Variants in PCDHA8 observed in about 807,000 individuals in gnomAD.
The protein encoded by PCDHA8 is protocadherin alpha-8.
Under a neutral mutation model 61.8 loss-of-function variants are expected in PCDHA8, and 53 were observed. That is an observed-to-expected ratio of 0.86 (90% CI 0.69 to 1.08). The LOEUF (loss-of-function observed/expected upper bound fraction) is 1.08, where lower values mean the gene tolerates loss of function less well. Among genes scored for constraint, PCDHA8 ranks in the 50% least tolerant of loss-of-function variants. The probability of loss-of-function intolerance (pLI) is 0.00; values close to 1 mark genes in which losing one functional copy is unlikely to be tolerated. For synonymous variants in PCDHA8, 618 were observed against 556.6 expected, an observed-to-expected ratio of 1.11 and a Z score of -1.55; for missense variants, 1,293 against 1,245.0, an observed-to-expected ratio of 1.04 and a Z score of -0.58.
intron 3 of PCDHA8, among the ~76,000 whole-genome samples, chr5:140,994,140 A>G (rs768317904): frequency 7.2e-5 from 11 of 152,230 alleles, no homozygotes; most frequent in Non-Finnish European, 1.5e-4. Context: ...ATAATGCCCT[A>G]CGTAGGTAGG....
At position 140,876,152 on chromosome 5, in the gene PCDHA8, A is replaced by G; in HGVS notation, c.2394+32437A>G. ...AAACCAGAACTAACAGGGTCTGTCC[A>G]GATTCAAATAACCGTCCTGGATGTG... is the stretch of plus-strand genomic sequence containing the variant. On this transcript the variant is annotated intron_variant, in intron 1 of 3. Transcript: ENST00000531613. 1 of 1,613,982 alleles carries G rather than the reference A, an allele frequency of 6.2e-7. No individual in the cohort carries two copies. The highest frequency in any genetic ancestry group is 1.3e-5 in the African/African-American group (1 of 75,068).
chr5:140,899,654 G>C (rs1429177993), intron 1 of PCDHA8, among the ~76,000 whole-genome samples: 1 of 152,158 alleles, frequency 6.6e-6, no homozygotes, highest in African/African-American at 2.4e-5. Context: ...ATTTGGTTGT[G>C]TCTCTGCCCG....
chr5:140,907,066 G>A (rs748785005), intron 1 of PCDHA8, among the ~76,000 whole-genome samples: 6 of 152,096 alleles, frequency 3.9e-5, no homozygotes, highest in Non-Finnish European at 8.8e-5. Context: ...TTTACTAGTG[G>A]GTCACTAGGG....
intron 1 of PCDHA8, among the ~76,000 whole-genome samples, chr5:140,972,728 A>T (rs189687890): frequency 6.8e-6 from 1 of 147,854 alleles, no homozygotes; most frequent in East Asian, 2.0e-4. Context: ...CAGTGGCGTA[A>T]TCCCGGCTCA....
intron 1 of PCDHA8, among the ~76,000 whole-genome samples, chr5:140,886,842 A>AAG (rs2061180057): frequency 6.6e-6 from 1 of 151,638 alleles, no homozygotes; most frequent in African/African-American, 2.4e-5. Context: ...AAAAAAAAAA[A>AAG]AAAAAGAAAG....
At chr5:140,941,375 G>A (rs1441847516) in intron 1 of PCDHA8, among the ~76,000 whole-genome samples, 1 of 134,938 alleles carries the variant, frequency 7.4e-6, no homozygotes, top group Non-Finnish European at 1.5e-5. Context: ...GGAGTGTAGT[G>A]ACAGGATTTT....
intron 1 of PCDHA8, chr5:140,927,757 A>G (rs957906084): frequency 3.2e-5 from 51 of 1,614,028 alleles, no homozygotes; most frequent in Admixed American, 1.0e-4. Flanking sequence ...CGTGCACCCT[A>G]AAAGTGGGGA....
chr5:140,950,536 T>A (rs182006309), intron 1 of PCDHA8, among the ~76,000 whole-genome samples: 1 of 152,222 alleles, frequency 6.6e-6, no homozygotes, highest in East Asian at 1.9e-4. Flanking sequence ...TTTTTGTTGC[T>A]CTTGCATGGC....
chr5:140,873,785 C>T (rs1035020245), intron 1 of PCDHA8, among the ~76,000 whole-genome samples: 2 of 152,146 alleles, frequency 1.3e-5, no homozygotes, highest in Non-Finnish European at 2.9e-5. Flanking sequence ...CTCAGCTTTC[C>T]GAGAAGCTGG....
intron 1 of PCDHA8, chr5:140,870,169 C>T: frequency 6.2e-7 from 1 of 1,614,140 alleles, no homozygotes; most frequent in Non-Finnish European, 8.5e-7. Flanking sequence ...TTCCTTGTCC[C>T]TCCCAGTACG....
intron 3 of PCDHA8, among the ~76,000 whole-genome samples, chr5:141,007,208 A>G (rs1056049066): frequency 5.3e-5 from 8 of 152,060 alleles, no homozygotes; most frequent in African/African-American, 1.9e-4. Context: ...GGGCCAGAAT[A>G]TGCTGTCCCA....
At chr5:140,849,659 C>T in intron 1 of PCDHA8, 4 of 1,598,722 alleles carry the variant, frequency 2.5e-6, no homozygotes, top group Non-Finnish European at 3.4e-6. Flanking sequence ...TTACCTGCTC[C>T]CTGACGCCCC....
At chr5:140,844,880 C>A (rs1779593021) in intron 1 of PCDHA8, among the ~76,000 whole-genome samples, 2 of 149,342 alleles carry the variant, frequency 1.3e-5, no homozygotes, top group South Asian at 4.2e-4. Context: ...ACCCATTAGA[C>A]TTCGTGCATA....
At chr5:140,917,037 GCA>G (rs2077840325) in intron 1 of PCDHA8, among the ~76,000 whole-genome samples, 1 of 152,268 alleles carries the variant, frequency 6.6e-6, no homozygotes, top group African/African-American at 2.4e-5. Context: ...GCTGAGTCCA[GCA>G]CAGTGTTGTT....
intron 1 of PCDHA8, among the ~76,000 whole-genome samples, chr5:140,896,384 C>T (rs778057567): frequency 2.0e-5 from 3 of 152,172 alleles, no homozygotes; most frequent in Non-Finnish European, 4.4e-5. Flanking sequence ...TCTGCAACCT[C>T]ACCAGCATCT....
At chr5:141,003,962 C>G (rs2098144287) in intron 3 of PCDHA8, among the ~76,000 whole-genome samples, 1 of 152,098 alleles carries the variant, frequency 6.6e-6, no homozygotes, top group Non-Finnish European at 1.5e-5. Context: ...ACCCTGGGAG[C>G]ATAAGGGAGG....
intron 1 of PCDHA8, among the ~76,000 whole-genome samples, chr5:140,951,776 T>C (rs1301757181): frequency 2.6e-5 from 4 of 152,140 alleles, no homozygotes; most frequent in East Asian, 1.9e-4. Context: ...CGTTCTTACA[T>C]TGCAAAATAC....
Position 140,850,965 on chromosome 5 carries a change from G to C in PCDHA8, c.2394+7250G>C, listed in dbSNP as rs200912451. 36 of 1,464,074 alleles carry C rather than the reference G, an allele frequency of 2.5e-5. 1 individual carries two copies. In the Middle Eastern group the frequency reaches 5.9e-4, roughly 24 times the overall value. 90.7% of individuals were successfully genotyped at this position (1,464,074 alleles called of 1,614,324 possible). A position where few individuals can be genotyped will look rare whatever the true frequency, so the allele number is the denominator to read the frequency against. On this transcript the variant is annotated intron_variant, in intron 1 of 3. Transcript: ENST00000531613. Reference sequence around the variant, plus strand: ...ATATTATCGATTACTCCCAGGGGCCGTTCAAATAGTTTTATTCATTTTTCT... The same window carrying C: ...ATATTATCGATTACTCCCAGGGGCCCTTCAAATAGTTTTATTCATTTTTCT...
Position 140,858,511 on chromosome 5 carries a change from G to A in PCDHA8, c.2394+14796G>A. ...TCTCTTACCGCATTTTCTCAAATAT[G>A]TATCAGAATATTTCATTTTTGTCTA... On this transcript the variant is annotated intron_variant, in intron 1 of 3. Transcript: ENST00000531613. 5 of 1,433,712 alleles carry A rather than the reference G, an allele frequency of 3.5e-6. 1 individual carries two copies. The highest frequency in any genetic ancestry group is 4.8e-6 in the Non-Finnish European group (5 of 1,040,150). 88.8% of individuals were successfully genotyped at this position (1,433,712 alleles called of 1,614,324 possible).
Sources: gnomAD v4.1 joint callset for allele counts (sites outside exome capture counted in the v4.1 genomes callset) on GRCh38, gnomAD v4.1.1 for gene constraint, MANE v1.5 for transcripts, NCBI Gene and HGNC (gene_info 2026-07-23, HGNC 2026-07-21) for gene names.